The following PYROXD2 variants were observed in gnomAD, a reference collection of about 807,000 sequenced individuals.
PYROXD2 encodes the protein pyridine nucleotide-disulphide oxidoreductase domain 2.
Under a neutral mutation model 71.1 loss-of-function variants are expected in PYROXD2, and 69 were observed. That is an observed-to-expected ratio of 0.97 (90% confidence interval 0.80 to 1.19). The LOEUF (loss-of-function observed/expected upper bound fraction) is 1.19. Among genes scored for constraint, PYROXD2 ranks in the 50% most tolerant of loss-of-function variants. The pLI, the probability that PYROXD2 is intolerant of heterozygous loss-of-function variation, is 0.00. For synonymous variants in PYROXD2, 287 were observed against 302.7 expected, an observed-to-expected ratio of 0.95 and a Z score of 0.54; for missense variants, 745 against 748.9, an observed-to-expected ratio of 0.99 and a Z score of 0.06.
In PYROXD2 at chr10:98,415,122, C is replaced by T; in HGVS notation, c.14G>A (p.Gly5Asp). The T allele has an allele frequency of 6.2e-7, 1 of 1,613,102 alleles. No homozygotes were observed. The highest frequency in any genetic ancestry group is 1.1e-5 in the South Asian group (1 of 90,878). ...GGCCACAGCCTTGCAGAGACCTCGG[C>T]CACTTGCAGCCATTTCTGCCCCAGG... MAAS[G>D]RGLCKAVAAS... The change falls in exon 1 of 16, where the codon GGC becomes GAC. Residue 5 changes from glycine to aspartate, a missense_variant. Transcript: ENST00000370575.
At chr10:98,403,799 C>A (rs771633831) in intron 4 of PYROXD2, among the ~76,000 whole-genome samples, 10 of 152,214 alleles carry the variant, frequency 6.6e-5, no homozygotes, top group Non-Finnish European at 1.5e-4. Context: ...CCCTGAAGTT[C>A]TCTGCCTAAG....
chr10:98,394,526 G>C (rs983612952), intron 8 of PYROXD2, among the ~76,000 whole-genome samples: 1 of 145,172 alleles, frequency 6.9e-6, no homozygotes, highest in Non-Finnish European at 1.5e-5. Flanking sequence ...CCAACCCTTG[G>C]CTGCATTCTC....
chr10:98,384,542 AG>A (rs1842688944), intron 15 of PYROXD2, among the ~76,000 whole-genome samples: 1 of 152,200 alleles, frequency 6.6e-6, no homozygotes, highest in African/African-American at 2.4e-5. Flanking sequence ...ACTTGAGCCC[AG>A]GAGGTTGAGG....
At chr10:98,405,349 A>C (rs985512497) in intron 4 of PYROXD2, among the ~76,000 whole-genome samples, 12 of 152,152 alleles carry the variant, frequency 7.9e-5, no homozygotes, top group African/African-American at 2.7e-4. Context: ...AGTGGTGCCA[A>C]AGCCAAGCCT....
intron 13 of PYROXD2, 110 bp downstream of exon 13, chr10:98,388,244 G>T: frequency 1.8e-6 from 2 of 1,101,092 alleles, no homozygotes; most frequent in East Asian, 2.4e-5. Flanking sequence ...CCTCCCTTTG[G>T]AATGGCACCT....
intron 4 of PYROXD2, among the ~76,000 whole-genome samples, chr10:98,403,770 CTT>C (rs1444386693): frequency 6.6e-6 from 1 of 152,194 alleles, no homozygotes; most frequent in Non-Finnish European, 1.5e-5. Flanking sequence ...GCCTTCTTTT[CTT>C]TTCTTCTTGG....
intron 6 of PYROXD2, 33 bp downstream of exon 6, chr10:98,397,312 T>C: frequency 6.5e-7 from 1 of 1,540,156 alleles, no homozygotes; most frequent in South Asian, 1.2e-5. Flanking sequence ...TGAAGGTCAC[T>C]CATCATGCCC....
At chr10:98,393,228 G>C (rs1843011352) in intron 8 of PYROXD2, 145 bp from the exon 9 acceptor site, 1 of 642,114 alleles carries the variant, frequency 1.6e-6, no homozygotes, top group Non-Finnish European at 2.6e-6. Flanking sequence ...ATGAGCTCAA[G>C]TTCTTGTAAG....
At chr10:98,404,686 T>C (rs1270138616) in intron 4 of PYROXD2, among the ~76,000 whole-genome samples, 1 of 152,062 alleles carries the variant, frequency 6.6e-6, no homozygotes, top group Non-Finnish European at 1.5e-5. Context: ...GAAGGGTGTA[T>C]CTGTGTGTGT....
chr10:98,390,289 G>C (rs1842902845), intron 12 of PYROXD2, among the ~76,000 whole-genome samples: 1 of 152,196 alleles, frequency 6.6e-6, no homozygotes, highest in African/African-American at 2.4e-5. Context: ...CTGAATGAGA[G>C]AACTTCCTTT....
intron 5 of PYROXD2, among the ~76,000 whole-genome samples, chr10:98,399,574 C>A (rs1040883167): frequency 2.0e-5 from 3 of 152,230 alleles, no homozygotes; most frequent in African/African-American, 4.8e-5. Context: ...ACCTGCACAC[C>A]ATCATGGACA....
chr10:98,394,054 G>A (rs981777735), intron 8 of PYROXD2, among the ~76,000 whole-genome samples: 1 of 152,146 alleles, frequency 6.6e-6, no homozygotes, highest in Non-Finnish European at 1.5e-5. Flanking sequence ...CCCTAGACCA[G>A]GCTGTGTCCC....
intron 4 of PYROXD2, among the ~76,000 whole-genome samples, chr10:98,406,891 CAA>C (rs35562526): frequency 5.3e-4 from 39 of 73,104 alleles, no homozygotes; most frequent in East Asian, 1.1e-3. Flanking sequence ...GACTCCGTCC[CAA>C]AAAAAAAAAA....
intron 3 of PYROXD2, 54 bp from the exon 4 acceptor site, chr10:98,407,709 G>A (rs12763379): frequency 0.057 from 50,548 of 885,810 alleles, 13,005 homozygotes; most frequent in African/African-American, 0.4. Context: ...GATGAGGACC[G>A]TCACCAGGGG....
intron 5 of PYROXD2, among the ~76,000 whole-genome samples, chr10:98,399,014 G>A (rs1330642041): frequency 6.6e-6 from 1 of 152,092 alleles, no homozygotes; most frequent in Non-Finnish European, 1.5e-5. Context: ...GGTGGTGAAT[G>A]CCTGTAATCC....
chr10:98,390,935 A>G, intron 11 of PYROXD2, 75 bp downstream of exon 11: 1 of 1,372,306 alleles, frequency 7.3e-7, no homozygotes. Context: ...GACTGAGTTC[A>G]GCTGCCCCCA....
At chr10:98,411,425 C>T (rs576946263) in intron 1 of PYROXD2, 74 of 164,212 alleles carry the variant, frequency 4.5e-4, no homozygotes, top group African/African-American at 1.5e-3. Context: ...CTATCAAGCG[C>T]GGCTTGTTTT....
chr10:98,405,108 C>A (rs762154428), intron 4 of PYROXD2, among the ~76,000 whole-genome samples: 83 of 152,184 alleles, frequency 5.5e-4, no homozygotes, highest in Non-Finnish European at 7.8e-4. Flanking sequence ...CTCCACACCC[C>A]CTTCTCCACC....
At chr10:98,410,579 C>A (rs1225424411) in intron 2 of PYROXD2, 4 of 291,448 alleles carry the variant, frequency 1.4e-5, no homozygotes, top group African/African-American at 2.2e-5. Flanking sequence ...AGGGCCCCCA[C>A]CCCGCCCCAG....
Sources: gnomAD v4.1 joint callset for allele counts (sites outside exome capture counted in the v4.1 genomes callset) on GRCh38, gnomAD v4.1.1 for gene constraint, MANE v1.5 for transcripts, NCBI Gene and HGNC (gene_info 2026-07-23, HGNC 2026-07-21) for gene names.